The following ATF7 variants were observed in gnomAD, a reference collection of about 807,000 sequenced individuals.
The protein encoded by ATF7 is cyclic AMP-dependent transcription factor ATF-7.
ATF7 carries 10 observed loss-of-function variants against 50.4 expected under a neutral mutation model. The ratio of observed to expected loss-of-function variants is 0.20; its 90% CI spans 0.12 to 0.34. The LOEUF is 0.34. Among genes scored for constraint, ATF7 ranks in the 10% least tolerant of loss-of-function variants. The pLI is 1.00. For synonymous variants in ATF7, 201 were observed against 226.4 expected, an observed-to-expected ratio of 0.89 and a Z score of 1.01; for missense variants, 465 against 613.9, an observed-to-expected ratio of 0.76 and a Z score of 2.56.
At position 53,538,268 on chromosome 12, in the gene ATF7, C is replaced by A. The variant is rs1939338546; in HGVS notation, c.265-716G>T. Among the ~76,000 whole-genome samples the A allele has an allele frequency of 2.6e-5, 4 of 152,122 alleles. 1 individual carries two copies. In the South Asian group the frequency reaches 8.3e-4, roughly 32 times the overall value. On this transcript the variant is annotated intron_variant, in intron 4 of 11. Coordinates refer to ENST00000420353, the MANE Select transcript of ATF7 (RefSeq NM_006856.3). ...GAGCTGTGAACACTTTCTCTGCCAA[C>A]AAGGATTACCCAATTACCAAAAGCA...
At chr12:53,572,574 A>G (rs1283212770) in intron 2 of ATF7, among the ~76,000 whole-genome samples, 1 of 152,122 alleles carries the variant, frequency 6.6e-6, no homozygotes. Flanking sequence ...GGGGAAAGGG[A>G]AAAGTACAGT....
At chr12:53,610,564 C>CA (rs528813775) in intron 1 of ATF7, among the ~76,000 whole-genome samples, 4,134 of 54,428 alleles carry the variant, frequency 0.076, 220 homozygotes, top group African/African-American at 0.18. Context: ...GACTCTGTCT[C>CA]AAAAAAAAAA....
intron 3 of ATF7, among the ~76,000 whole-genome samples, chr12:53,545,124 C>T (rs1231540475): frequency 6.6e-6 from 1 of 152,124 alleles, no homozygotes; most frequent in Non-Finnish European, 1.5e-5. Context: ...ATATGAGGTT[C>T]AAACGAACTT....
intron 2 of ATF7, among the ~76,000 whole-genome samples, chr12:53,577,736 G>GA (rs1942176097): frequency 1.4e-5 from 2 of 140,832 alleles, no homozygotes; most frequent in African/African-American, 5.8e-5. Context: ...AAAAAAGAAA[G>GA]AAAGAAAGAA....
chr12:53,527,588 A>T (rs1938552887), intron 9 of ATF7, among the ~76,000 whole-genome samples: 1 of 152,164 alleles, frequency 6.6e-6, no homozygotes, highest in Non-Finnish European at 1.5e-5. Flanking sequence ...GTTCAAGACT[A>T]GCCTGGCCAA....
intron 9 of ATF7, among the ~76,000 whole-genome samples, chr12:53,525,695 T>C (rs1335067865): frequency 6.6e-6 from 1 of 152,222 alleles, no homozygotes; most frequent in East Asian, 1.9e-4. Flanking sequence ...TATAGGACTG[T>C]CTTGTTTTTA....
chr12:53,553,220 C>G (rs2137510450), intron 2 of ATF7, among the ~76,000 whole-genome samples: 1 of 152,242 alleles, frequency 6.6e-6, no homozygotes, highest in Admixed American at 6.5e-5. Flanking sequence ...CTGTAGAGGA[C>G]CAAGGCGCAA....
intron 2 of ATF7, among the ~76,000 whole-genome samples, chr12:53,573,706 C>T (rs927410393): frequency 5.3e-5 from 8 of 152,078 alleles, no homozygotes; most frequent in African/African-American, 1.2e-4. Context: ...TTGAAATACC[C>T]CAGAGCATTC....
chr12:53,541,676 T>C (rs996801217), intron 4 of ATF7, among the ~76,000 whole-genome samples: 2 of 152,186 alleles, frequency 1.3e-5, no homozygotes, highest in South Asian at 2.1e-4. Context: ...CTACATATAA[T>C]TGAACATATT....
At position 53,523,264 on chromosome 12, in the gene ATF7, T is replaced by G. The variant is rs1001464966; in HGVS notation, c.1234+12A>C. On this transcript the variant is annotated intron_variant, in intron 11 of 11. Coordinates refer to ENST00000420353, the MANE Select transcript of ATF7 (RefSeq NM_006856.3). The stretch of plus-strand genomic sequence containing the variant: ...TGACTGACTGACTTAGCTTAGGTTG[T>G]GTGCCACTCACCTAAATAGCCTTGA... 1 of 1,560,940 alleles carries G rather than the reference T, an allele frequency of 6.4e-7. No homozygotes were observed. Among genetic ancestry groups the G allele is most frequent in the African/African-American group, 1.4e-5 (1 of 73,782 alleles).
At chr12:53,620,922 G>A (rs540392762) in intron 1 of ATF7, among the ~76,000 whole-genome samples, 3 of 152,162 alleles carry the variant, frequency 2.0e-5, no homozygotes, top group African/African-American at 7.2e-5. Flanking sequence ...TTAAAATGTG[G>A]GGCAAGGGAG....
chr12:53,510,103 G>C (rs1026609905), downstream of ATF7, among the ~76,000 whole-genome samples: 7 of 149,586 alleles, frequency 4.7e-5, no homozygotes, highest in African/African-American at 1.7e-4. Flanking sequence ...GCAATGGCTT[G>C]ATCTCGGCTC....
chr12:53,566,753 T>C (rs112447939), intron 2 of ATF7, among the ~76,000 whole-genome samples: 4,231 of 152,232 alleles, frequency 0.028, 196 homozygotes, highest in African/African-American at 0.097. Flanking sequence ...TTTTTTTGTT[T>C]TTGTTTTTGC....
intron 2 of ATF7, among the ~76,000 whole-genome samples, chr12:53,582,490 A>G (rs532739939): frequency 6.6e-6 from 1 of 151,928 alleles, no homozygotes; most frequent in African/African-American, 2.4e-5. Flanking sequence ...CCCCGCCCCA[A>G]AAAGAAAAAA....
At chr12:53,561,977 C>T (rs945004367) in intron 2 of ATF7, among the ~76,000 whole-genome samples, 2 of 152,190 alleles carry the variant, frequency 1.3e-5, no homozygotes, top group African/African-American at 2.4e-5. Context: ...ACAAACTAAA[C>T]AGAGGAGCGG....
intron 2 of ATF7, among the ~76,000 whole-genome samples, chr12:53,588,593 T>C (rs551611177): frequency 1.3e-5 from 2 of 152,304 alleles, no homozygotes; most frequent in East Asian, 3.9e-4. Flanking sequence ...TGGGAGCTTA[T>C]GGGCATAAAA....
At chr12:53,584,106 G>A (rs907042197) in intron 2 of ATF7, among the ~76,000 whole-genome samples, 2 of 152,152 alleles carry the variant, frequency 1.3e-5, no homozygotes, top group Admixed American at 6.5e-5. Context: ...TCAGCCTCCT[G>A]AGTAGCTGGG....
intron 2 of ATF7, among the ~76,000 whole-genome samples, chr12:53,561,373 A>G (rs1252326921): frequency 6.6e-6 from 1 of 151,174 alleles, no homozygotes; most frequent in Non-Finnish European, 1.5e-5. Flanking sequence ...GAGAAAAACT[A>G]TGAGGAGTAA....
intron 2 of ATF7, among the ~76,000 whole-genome samples, chr12:53,594,335 G>C (rs892344905): frequency 2.0e-4 from 31 of 152,152 alleles, no homozygotes; most frequent in African/African-American, 7.2e-4. Context: ...AAACAAGAGG[G>C]AATAACTGAA....
Sources: allele counts gnomAD v4.1 joint callset (sites outside exome capture counted in the v4.1 genomes callset), GRCh38; gene constraint gnomAD v4.1.1; transcripts MANE v1.5; gene names NCBI Gene and HGNC (gene_info 2026-07-23, HGNC 2026-07-21).